The following STRBP variants were observed in gnomAD, a reference collection of about 807,000 sequenced individuals.
The protein encoded by STRBP is spermatid perinuclear RNA-binding protein.
A neutral mutation model predicts 80.1 loss-of-function variants in STRBP; 13 were observed. The observed-to-expected ratio is 0.16, with a 90% CI of 0.11 to 0.26. STRBP has a LOEUF of 0.26. STRBP is among the 10% of genes least tolerant of loss of function. STRBP has a pLI of 1.00. For synonymous variants in STRBP, 284 were observed against 291.2 expected (o/e 0.98, Z 0.25); for missense variants, 485 against 815.2 (o/e 0.59, Z 4.93).
At chr9:123,236,724 G>T (rs1423522080) in intron 2 of STRBP, 106 bp downstream of exon 2, 1 of 151,278 alleles carries the variant, frequency 6.6e-6, no homozygotes, top group East Asian at 1.9e-4. Context: ...CTGGATTTAA[G>T]TCCCAGCTCT....
intron 8 of STRBP, among the ~76,000 whole-genome samples, chr9:123,159,511 G>C (rs1354890899): frequency 2.6e-5 from 4 of 152,118 alleles, no homozygotes. Flanking sequence ...GACTTAACAA[G>C]TCCTCATATA....
At chr9:123,186,850 C>A (rs2038719716) in intron 2 of STRBP, among the ~76,000 whole-genome samples, 1 of 148,896 alleles carries the variant, frequency 6.7e-6, no homozygotes, top group African/African-American at 2.5e-5. Context: ...AAAAGGTCAA[C>A]CTAGTGGATA....
chr9:123,208,662 G>C (rs943101843), intron 2 of STRBP, among the ~76,000 whole-genome samples: 1 of 152,134 alleles, frequency 6.6e-6, no homozygotes, highest in African/African-American at 2.4e-5. Flanking sequence ...TTTACCACAT[G>C]GTCTTTCTTG....
At chr9:123,217,574 C>T (rs2039937745) in intron 2 of STRBP, among the ~76,000 whole-genome samples, 1 of 152,200 alleles carries the variant, frequency 6.6e-6, no homozygotes, top group Non-Finnish European at 1.5e-5. Flanking sequence ...AAATTAAAAG[C>T]ATGTCCACTT....
rs1282514874 is a variant in STRBP at position 123,160,968 on chromosome 9, A to G, written c.627+9T>C. On this transcript the variant is annotated intron_variant, in intron 7 of 18. Transcript: ENST00000348403. The stretch of plus-strand genomic sequence containing the variant: ...TTTAATAACAATAAGATAGTAAGAA[A>G]AAGCCAACCTGAAACCATTTGGCAT... 3 of 1,577,644 alleles carry G rather than the reference A, an allele frequency of 1.9e-6. No individual in the cohort carries two copies. Among genetic ancestry groups the G allele is most frequent in the Non-Finnish European group, 2.6e-6 (3 of 1,170,514 alleles).
chr9:123,167,155 C>T (rs928977286), intron 6 of STRBP, among the ~76,000 whole-genome samples: 2 of 151,338 alleles, frequency 1.3e-5, no homozygotes, highest in African/African-American at 4.9e-5. Flanking sequence ...AAATATGTGG[C>T]AAGTTAAGAC....
intron 2 of STRBP, among the ~76,000 whole-genome samples, chr9:123,188,781 T>C (rs2038803036): frequency 6.6e-6 from 1 of 152,218 alleles, no homozygotes; most frequent in Admixed American, 6.5e-5. Context: ...AAATCCCAAG[T>C]AATGTTTTGC....
At position 123,122,753 on chromosome 9, in the gene STRBP, T is replaced by C. The variant is rs965098425; in HGVS notation, c.*2844A>G. On this transcript the variant is annotated 3_prime_UTR_variant, in exon 19 of 19. Transcript: ENST00000348403. ...GAGGACCCCTATCTCTGAGAAATTA[T>C]AGTAACGCTAACTGACGCAGTCAGG... The C allele has an allele frequency of 2.0e-6, 2 of 992,608 alleles. No individual in the cohort carries two copies. Among genetic ancestry groups the C allele is most frequent in the East Asian group, 1.1e-4 (1 of 9,078 alleles). The allele number at this position is 992,608 out of a possible 1,614,324, so 61.5% of individuals were successfully genotyped here. A position where few individuals can be genotyped will look rare whatever the true frequency, so the allele number is the denominator to read the frequency against.
intron 11 of STRBP, among the ~76,000 whole-genome samples, chr9:123,155,653 G>T (rs2037252276): frequency 6.6e-6 from 1 of 152,078 alleles, no homozygotes; most frequent in South Asian, 2.1e-4. Context: ...CAAGAGATTG[G>T]AAAGTGGGAT....
chr9:123,117,226 T>C (rs1321343475), downstream of STRBP, among the ~76,000 whole-genome samples: 1 of 152,188 alleles, frequency 6.6e-6, no homozygotes, highest in East Asian at 1.9e-4. Context: ...ATTCAAAGGT[T>C]CCTTTTTCCT....
At chr9:123,144,328 T>C in intron 13 of STRBP, among the ~76,000 whole-genome samples, 1 of 152,218 alleles carries the variant, frequency 6.6e-6, no homozygotes, top group Admixed American at 6.5e-5. Context: ...GAATTCATAA[T>C]TTTTCAATTC....
At chr9:123,265,566 G>A (rs927932639) in intron 1 of STRBP, among the ~76,000 whole-genome samples, 2 of 152,166 alleles carry the variant, frequency 1.3e-5, no homozygotes, top group Non-Finnish European at 2.9e-5. Flanking sequence ...AGGAAACCTT[G>A]CTTACTGAAG....
intron 2 of STRBP, among the ~76,000 whole-genome samples, chr9:123,202,899 G>A (rs1273891908): frequency 6.6e-6 from 1 of 152,068 alleles, no homozygotes; most frequent in Non-Finnish European, 1.5e-5. Flanking sequence ...AAAATCTGAT[G>A]ACTTTTAACC....
intron 11 of STRBP, 40 bp downstream of exon 11, chr9:123,157,972 G>A (rs2037360831): frequency 7.0e-7 from 1 of 1,419,534 alleles, no homozygotes; most frequent in Non-Finnish European, 1.0e-6. Context: ...ATCTCTACCA[G>A]TGCCAACCCC....
intron 1 of STRBP, among the ~76,000 whole-genome samples, chr9:123,267,330 G>GC (rs1686702295): frequency 6.6e-6 from 1 of 151,318 alleles, no homozygotes; most frequent in Admixed American, 6.6e-5. Context: ...TCCTTTAAAT[G>GC]CCCCACACAC....
chr9:123,181,061 G>C, intron 3 of STRBP: 1 of 320,498 alleles, frequency 3.1e-6, no homozygotes, highest in Non-Finnish European at 4.5e-6. Context: ...GAAAACTTTG[G>C]TTGAAAAGGT....
intron 3 of STRBP, chr9:123,111,534 G>A (rs1400285769): frequency 4.6e-6 from 2 of 431,492 alleles, no homozygotes; most frequent in Non-Finnish European, 9.6e-6. Context: ...AAGCACCTGT[G>A]CCTGTAGGCA....
chr9:123,239,469 A>G (rs953289543), intron 1 of STRBP, among the ~76,000 whole-genome samples: 1 of 152,202 alleles, frequency 6.6e-6, no homozygotes, highest in Non-Finnish European at 1.5e-5. Flanking sequence ...CTCACTGCCA[A>G]AACAAAGGCC....
chr9:123,126,259 T>C lies in STRBP; in HGVS notation c.1943-586A>G, dbSNP rs976219423. 3.3e-5 allele frequency among the ~76,000 whole-genome samples: 5 copies of C among 152,258 alleles called. No individual in the cohort carries two copies. Among genetic ancestry groups the C allele is most frequent in the African/African-American group, 1.2e-4 (5 of 41,468 alleles). On this transcript the variant is annotated intron_variant, in intron 18 of 18. Transcript: ENST00000348403. This position sits in a 1 kb window ranked among gnomAD's most constrained non-coding sequence, Gnocchi z 4.4. ...AAATCTGCTCCTCTTCCTATGCTAA[T>C]ATTTAACCTATGGAGAAATCACAAA...
Sources: allele counts gnomAD v4.1 joint callset (sites outside exome capture counted in the v4.1 genomes callset), GRCh38; gene constraint gnomAD v4.1.1; non-coding constraint Gnocchi (gnomAD v3.1); transcripts MANE v1.5; gene names NCBI Gene and HGNC (gene_info 2026-07-23, HGNC 2026-07-21).